IL1RAPL1: variants seen among roughly 807,000 people sequenced by gnomAD.
IL1RAPL1 encodes the protein interleukin-1 receptor accessory protein-like 1.
IL1RAPL1 carries 3 observed loss-of-function variants against 48.4 expected under a neutral mutation model. That is an observed-to-expected ratio of 0.06 (90% CI 0.03 to 0.16). The LOEUF is 0.16. Among genes scored for constraint, IL1RAPL1 ranks in the 10% least tolerant of loss-of-function variants. The pLI, the probability that IL1RAPL1 is intolerant of heterozygous loss-of-function variation, is 1.00. For missense variants in IL1RAPL1, 349 were observed against 530.6 expected (o/e 0.66, Z 3.36); for synonymous variants, 185 against 187.7 (o/e 0.99, Z 0.12).
At chrX:29,823,515 T>C (rs1025543634) in intron 6 of IL1RAPL1, among the ~76,000 whole-genome samples, 1 of 112,138 alleles carries the variant, frequency 8.9e-6, no homozygotes, top group African/African-American at 3.2e-5. Flanking sequence ...GACTATTCAC[T>C]TTGCGGAAAC....
intron 5 of IL1RAPL1, among the ~76,000 whole-genome samples, chrX:29,548,000 T>G (rs113724402): frequency 1.9e-3 from 213 of 112,509 alleles, no homozygotes; most frequent in African/African-American, 6.2e-3. Flanking sequence ...TTAGCATTAA[T>G]CATATTCATG....
intron 3 of IL1RAPL1, among the ~76,000 whole-genome samples, chrX:29,336,339 GTGTGTGTGTA>G (rs1424712838): frequency 9.1e-5 from 3 of 32,994 alleles, no homozygotes; most frequent in African/African-American, 1.6e-4. Context: ...GTGTGTGTGT[GTGTGTGTGTA>G]TATCTATGTA....
At chrX:29,735,854 A>G (rs543342870) in intron 6 of IL1RAPL1, among the ~76,000 whole-genome samples, 32 of 112,534 alleles carry the variant, frequency 2.8e-4, no homozygotes, top group African/African-American at 7.4e-4. Flanking sequence ...ATTTCCCCCA[A>G]TGGAAAATCA....
At chrX:28,972,715 A>G (rs1385882241) in intron 2 of IL1RAPL1, among the ~76,000 whole-genome samples, 1 of 111,361 alleles carries the variant, frequency 9.0e-6, no homozygotes, top group African/African-American at 3.3e-5. Context: ...CTCCAGCCTG[A>G]GCAACAGAGC....
At position 29,920,916 on chromosome X, in the gene IL1RAPL1, A is replaced by T. The variant is rs989375402; in HGVS notation, c.1057+822A>T. Among the ~76,000 whole-genome samples, 12 of 109,435 alleles carry T rather than the reference A, an allele frequency of 1.1e-4. No homozygotes were observed. In the East Asian group the frequency reaches 2.5e-3, roughly 23 times the overall value. The stretch of plus-strand genomic sequence containing the variant: ...TGGAAGATTGCTCCTTTAGTGTAAG[A>T]ACTGTCTGGTGAATTCCCCACTGCA... On this transcript the variant is annotated intron_variant, in intron 8 of 10. Coordinates refer to ENST00000378993, the MANE Select transcript of IL1RAPL1 (RefSeq NM_014271.4).
At chrX:29,227,529 C>T (rs1445809598) in intron 2 of IL1RAPL1, among the ~76,000 whole-genome samples, 3 of 111,843 alleles carry the variant, frequency 2.7e-5, no homozygotes, top group Non-Finnish European at 5.6e-5. Flanking sequence ...CTTCTTTGAT[C>T]TGCCTTGGTT....
chrX:29,167,511 A>G (rs1424022728), intron 2 of IL1RAPL1, among the ~76,000 whole-genome samples: 1 of 110,401 alleles, frequency 9.1e-6, no homozygotes, highest in Non-Finnish European at 1.9e-5. Context: ...CTAAATTTCT[A>G]CTATATGATT....
chrX:28,623,869 A>AT (rs1486654054), intron 1 of IL1RAPL1, among the ~76,000 whole-genome samples: 1 of 110,642 alleles, frequency 9.0e-6, no homozygotes, highest in Non-Finnish European at 1.9e-5. Context: ...GAAAAAAAAA[A>AT]CTCTTTGAGG....
chrX:29,862,240 G>A (rs929820523), intron 6 of IL1RAPL1, among the ~76,000 whole-genome samples: 2 of 110,336 alleles, frequency 1.8e-5, no homozygotes, highest in Non-Finnish European at 3.8e-5. Context: ...TCAGCATGTG[G>A]GTGAATAATT....
chrX:29,309,693 A>T (rs765284438), intron 3 of IL1RAPL1, among the ~76,000 whole-genome samples: 5 of 108,490 alleles, frequency 4.6e-5, no homozygotes, highest in African/African-American at 1.7e-4. Flanking sequence ...GGCGCCTGTA[A>T]CCCCGGCCAC....
At chrX:29,623,588 A>G (rs111797289) in intron 5 of IL1RAPL1, among the ~76,000 whole-genome samples, 14,821 of 111,670 alleles carry the variant, frequency 0.13, 1,055 homozygotes, top group African/African-American at 0.27. Context: ...CCGTTCCTCT[A>G]CTGTTAACAG....
chrX:28,797,398 A>G (rs1936625959), intron 2 of IL1RAPL1, among the ~76,000 whole-genome samples: 1 of 111,609 alleles, frequency 9.0e-6, no homozygotes, highest in Non-Finnish European at 1.9e-5. Context: ...TGCTTCCCTC[A>G]TAAAACTGAA....
intron 2 of IL1RAPL1, among the ~76,000 whole-genome samples, chrX:29,143,932 A>G (rs1031483608): frequency 4.5e-5 from 5 of 111,873 alleles, no homozygotes; most frequent in Non-Finnish European, 9.4e-5. Context: ...TGGTTGAACT[A>G]TTGAGTCATG....
intron 6 of IL1RAPL1, among the ~76,000 whole-genome samples, chrX:29,835,592 A>G (rs993644939): frequency 1.8e-5 from 2 of 111,857 alleles, no homozygotes; most frequent in Non-Finnish European, 3.8e-5. Flanking sequence ...AGTATTAATT[A>G]TTCTCTAAAT....
At chrX:28,810,146 G>A (rs964585388) in intron 2 of IL1RAPL1, among the ~76,000 whole-genome samples, 1 of 110,296 alleles carries the variant, frequency 9.1e-6, no homozygotes, top group Non-Finnish European at 1.9e-5. Flanking sequence ...TTGTCAAGGA[G>A]TCTGCAGGCA....
At chrX:29,883,906 G>A (rs147624105) in intron 6 of IL1RAPL1, among the ~76,000 whole-genome samples, 1,177 of 111,832 alleles carry the variant, frequency 0.011, 17 homozygotes, top group African/African-American at 0.037. Flanking sequence ...GAACTCAATC[G>A]CATTGTACTC....
intron 2 of IL1RAPL1, among the ~76,000 whole-genome samples, chrX:28,807,395 A>G (rs756788041): frequency 1.8e-5 from 2 of 111,645 alleles, no homozygotes; most frequent in Non-Finnish European, 3.8e-5. Context: ...ACAGAATAGT[A>G]TTTATCACAT....
At chrX:28,926,967 T>G (rs1296458911) in intron 2 of IL1RAPL1, among the ~76,000 whole-genome samples, 1 of 111,131 alleles carries the variant, frequency 9.0e-6, no homozygotes, top group Non-Finnish European at 1.9e-5. Flanking sequence ...CATAGCTTAA[T>G]TACTACAGCC....
chrX:29,765,439 T>TA (rs1412106124), intron 6 of IL1RAPL1, among the ~76,000 whole-genome samples: 2 of 111,916 alleles, frequency 1.8e-5, no homozygotes, highest in Admixed American at 9.5e-5. Context: ...GAGGAGTTAT[T>TA]AAAATTTTCA....
Sources: allele counts gnomAD v4.1 joint callset (sites outside exome capture counted in the v4.1 genomes callset), GRCh38; gene constraint gnomAD v4.1.1; transcripts MANE v1.5; gene names NCBI Gene and HGNC (gene_info 2026-07-23, HGNC 2026-07-21).